LIPI: variants seen among roughly 807,000 people sequenced by gnomAD.
LIPI encodes the protein lipase member I.
LIPI carries 59 observed loss-of-function variants against 50.6 expected under a neutral mutation model. The observed-to-expected ratio is 1.16, with a 90% CI of 0.94 to 1.45. LIPI has a LOEUF of 1.45. Among genes scored for constraint, LIPI ranks in the 40% most tolerant of loss-of-function variants. The pLI, the probability that LIPI is intolerant of heterozygous loss-of-function variation, is 0.00. For synonymous variants in LIPI, 203 were observed against 178.2 expected (o/e 1.14, Z -1.11); for missense variants, 586 against 536.3 (o/e 1.09, Z -0.92).
intron 7 of LIPI, among the ~76,000 whole-genome samples, chr21:14,163,095 T>C (rs1413026211): frequency 3.9e-4 from 2 of 5,096 alleles, no homozygotes; most frequent in South Asian, 9.8e-3. Flanking sequence ...TCAGACTGTA[T>C]ATATATATAT....
intron 2 of LIPI, among the ~76,000 whole-genome samples, chr21:14,187,443 T>C (rs2019495258): frequency 6.6e-6 from 1 of 152,078 alleles, no homozygotes; most frequent in Non-Finnish European, 1.5e-5. Context: ...CATAAGGGAG[T>C]ATCTCTCGAG....
Position 14,189,120 on chromosome 21 carries a change from C to T in LIPI, c.346G>A (p.Gly116Ser). Residue 116 changes from glycine (G) to serine (S), a missense_variant, in exon 2 of 10, where the codon GGT (glycine) becomes AGT (serine). Coordinates refer to ENST00000681601, the MANE Select transcript of LIPI (RefSeq NM_001302998.2). Reference protein sequence around the residue: ...MNVIVVDWSRGATTFIYNRAV... With the variant: ...MNVIVVDWSRSATTFIYNRAV... ...CTATTATAAATAAAAGTTGTAGCAC[C>T]CCGGCTCCAGTCTACTACAATTACA... 2 of 1,613,630 alleles carry T rather than the reference C, an allele frequency of 1.2e-6. No individual in the cohort carries two copies. The highest frequency in any genetic ancestry group is 1.7e-6 in the Non-Finnish European group (2 of 1,179,930).
intron 1 of LIPI, among the ~76,000 whole-genome samples, chr21:14,197,274 T>G (rs1473093201): frequency 6.6e-6 from 1 of 152,054 alleles, no homozygotes; most frequent in Non-Finnish European, 1.5e-5. Flanking sequence ...ATATTTCCAT[T>G]AAAATTAAGA....
At chr21:14,166,596 T>A (rs2018694855) in intron 4 of LIPI, 145 bp from the exon 5 acceptor site, 3 of 645,200 alleles carry the variant, frequency 4.6e-6, no homozygotes, top group Non-Finnish European at 8.3e-6. Flanking sequence ...AAAGATAAGT[T>A]TTTCTTCTAT....
At chr21:14,152,897 G>A (rs996747018) in intron 7 of LIPI, among the ~76,000 whole-genome samples, 1 of 152,042 alleles carries the variant, frequency 6.6e-6, no homozygotes, top group African/African-American at 2.4e-5. Context: ...TTAAACATGA[G>A]AGATGAAAAA....
chr21:14,132,984 T>A (rs1177329678), intron 9 of LIPI, among the ~76,000 whole-genome samples: 1 of 151,572 alleles, frequency 6.6e-6, no homozygotes, highest in African/African-American at 2.4e-5. Flanking sequence ...CAAAAATGAG[T>A]AGCAAGATTG....
intron 9 of LIPI, among the ~76,000 whole-genome samples, chr21:14,122,099 C>T (rs189454599): frequency 6.6e-6 from 1 of 152,294 alleles, no homozygotes; most frequent in Non-Finnish European, 1.5e-5. Flanking sequence ...CAGGAGGATG[C>T]CTGTGCATAG....
chr21:14,136,676 G>A (rs1470252328), intron 9 of LIPI, among the ~76,000 whole-genome samples: 1 of 152,008 alleles, frequency 6.6e-6, no homozygotes, highest in Non-Finnish European at 1.5e-5. Flanking sequence ...AGGTCTGAAC[G>A]GCTTGGCCAC....
chr21:14,182,904 G>T (rs935951085), intron 3 of LIPI, among the ~76,000 whole-genome samples: 3 of 152,230 alleles, frequency 2.0e-5, no homozygotes, highest in South Asian at 2.1e-4. Flanking sequence ...TTGTGAAAAG[G>T]TAATTTATAG....
Position 14,165,277 on chromosome 21 carries a change from T to G in LIPI, c.847A>C (p.Thr283Pro), listed in dbSNP as rs1302680879. 1 of 1,612,946 alleles carries G rather than the reference T, an allele frequency of 6.2e-7. No individual in the cohort carries two copies. Among genetic ancestry groups the G allele is most frequent in the Non-Finnish European group, 8.5e-7 (1 of 1,179,260 alleles). The change falls in exon 6 of 10, where the codon ACT (threonine) becomes CCT (proline). Residue 283 changes from threonine (T) to proline (P), a missense_variant. Transcript: ENST00000681601. ...FPCRSYKDYK[T>P]SLCVDCDCFK... is the part of the protein sequence containing the mutation. ...CAGTCACAGTCCACACATAAGCTAG[T>G]CTTGTAATCTTTGTATGAACGACAA...
intron 8 of LIPI, among the ~76,000 whole-genome samples, chr21:14,146,753 T>G (rs899924917): frequency 1.3e-5 from 2 of 149,866 alleles, no homozygotes; most frequent in Non-Finnish European, 3.0e-5. Context: ...CTCCTCTCTT[T>G]CTTACTTTCC....
At chr21:14,166,253 A>T (rs530399209) in intron 5 of LIPI, 109 bp downstream of exon 5, 1 of 754,582 alleles carries the variant, frequency 1.3e-6, no homozygotes, top group Non-Finnish European at 2.4e-6. Flanking sequence ...GTCATGGGCA[A>T]TGATGATGAA....
chr21:14,187,234 ACATGAGAG>A, intron 2 of LIPI, among the ~76,000 whole-genome samples: 2 of 152,154 alleles, frequency 1.3e-5, no homozygotes, highest in Non-Finnish European at 2.9e-5. Flanking sequence ...TTAGAAGACT[ACATGAGAG>A]TGTACTTCCA....
chr21:14,193,070 T>C (rs1038659845), intron 1 of LIPI, among the ~76,000 whole-genome samples: 2 of 152,174 alleles, frequency 1.3e-5, no homozygotes, highest in African/African-American at 4.8e-5. Context: ...CAATATATAA[T>C]GATGTAATTT....
intron 1 of LIPI, chr21:14,206,725 T>C: frequency 1.3e-6 from 1 of 765,366 alleles, no homozygotes; most frequent in Non-Finnish European, 2.3e-6. Flanking sequence ...TATATTCAGC[T>C]ATCACTTCAT....
rs183269853 is a variant in LIPI at position 14,208,729 on chromosome 21, C to T, written c.46+2071G>A. ...AAAAGAGACTGTATGGCCCACAAAA[C>T]GTAAAATATTTACTATCTGGTCGTT... is the stretch of plus-strand genomic sequence containing the variant. On this transcript the variant is annotated intron_variant, in intron 1 of 9. Transcript: ENST00000681601. Among the ~76,000 whole-genome samples, 573 of 152,284 alleles carry T rather than the reference C, an allele frequency of 3.8e-3. 4 individuals are homozygous for T. Among genetic ancestry groups the T allele is most frequent in the African/African-American group, 0.013 (552 of 41,562 alleles).
In LIPI at chr21:14,189,403, G is replaced by A. The variant is rs749004992; in HGVS notation, c.63C>T (p.Cys21=). ...CWVRSDNKRP[C]LEFSQLSVKD... is the part of the protein sequence containing the mutation. ...TTACACTTAGCTGAGAGAATTCAAG[G>A]CATGGTCTTTTATTATCTGAAATAA... The change falls in exon 2 of 10, where the codon TGC becomes TGT. Residue 21 remains cysteine, a synonymous_variant. Coordinates refer to ENST00000681601, the MANE Select transcript of LIPI (RefSeq NM_001302998.2). 13 of 1,612,426 alleles carry A rather than the reference G, an allele frequency of 8.1e-6. No homozygotes were observed. The highest frequency in any genetic ancestry group is 3.3e-5 in the Admixed American group (2 of 59,970).
In LIPI at chr21:14,112,808, A is replaced by T. The variant is rs139269641; in HGVS notation, c.1296-3728T>A. 4.8e-3 allele frequency among the ~76,000 whole-genome samples: 726 copies of T among 152,292 alleles called. 12 individuals carry two copies. The highest frequency in any genetic ancestry group is 0.034 in the Admixed American group (521 of 15,296). Reference sequence around the variant, plus strand: ...TATAAATAAGCATTTAAAATATATTAAAAAAGAAAAACTACTAATTCTTGT... The same window carrying T: ...TATAAATAAGCATTTAAAATATATTTAAAAAGAAAAACTACTAATTCTTGT... On this transcript the variant is annotated intron_variant, in intron 9 of 9. Transcript: ENST00000681601.
At chr21:14,161,894 A>AAC (rs1568858907) in intron 7 of LIPI, among the ~76,000 whole-genome samples, 3 of 117,306 alleles carry the variant, frequency 2.6e-5, no homozygotes, top group Non-Finnish European at 3.6e-5. Flanking sequence ...ATATTAATAT[A>AAC]ATATAGATAT....
Sources: allele counts gnomAD v4.1 joint callset (sites outside exome capture counted in the v4.1 genomes callset), GRCh38; gene constraint gnomAD v4.1.1; transcripts MANE v1.5; gene names NCBI Gene and HGNC (gene_info 2026-07-23, HGNC 2026-07-21).